Variants in RP1 observed in about 807,000 individuals in gnomAD.
RP1 encodes the protein RP1 axonemal microtubule associated.
RP1 carries 16 observed loss-of-function variants against 14.8 expected under a neutral mutation model. That is an observed-to-expected ratio of 1.08 (90% confidence interval 0.73 to 1.65). RP1 has a LOEUF of 1.65. Among genes scored for constraint, RP1 ranks in the 40% most tolerant of loss-of-function variants. The probability of loss-of-function intolerance (pLI) is 0.00; values close to 1 mark genes in which losing one functional copy is unlikely to be tolerated. For missense variants in RP1, 2,631 were observed against 2,535.0 expected, an observed-to-expected ratio of 1.04 and a Z score of -0.81; for synonymous variants, 876 against 883.6, an observed-to-expected ratio of 0.99 and a Z score of 0.15.
chr8:54,615,478 A>G (rs1805693310), upstream of RP1, among the ~76,000 whole-genome samples: 1 of 152,212 alleles, frequency 6.6e-6, no homozygotes, highest in Non-Finnish European at 1.5e-5. Flanking sequence ...TGGGGACTTT[A>G]TGTGTGACAA....
chr8:54,609,191 G>A (rs1329470318), intron 1 of RP1, among the ~76,000 whole-genome samples: 1 of 152,130 alleles, frequency 6.6e-6, no homozygotes, highest in Non-Finnish European at 1.5e-5. Context: ...TGCATTGGGT[G>A]CTGCTTGGTG....
exon 22 of RP1, chr8:54,758,990 C>T (rs779536192): frequency 2.6e-6 from 4 of 1,535,896 alleles, no homozygotes; most frequent in South Asian, 1.2e-5. Flanking sequence ...GCTGTGAGGC[C>T]AGTGACAAAT....
intron 20 of RP1, chr8:54,755,478 C>A: frequency 1.3e-6 from 1 of 797,122 alleles, no homozygotes; most frequent in Non-Finnish European, 1.9e-6. Flanking sequence ...TCAATAGACA[C>A]AGAAAATCCA....
chr8:54,846,481 T>C (rs1811923721), intron 25 of RP1, among the ~76,000 whole-genome samples: 1 of 152,228 alleles, frequency 6.6e-6, no homozygotes, highest in African/African-American at 2.4e-5. Flanking sequence ...GTTCCAAGAC[T>C]GTATGCATTT....
intron 26 of RP1, among the ~76,000 whole-genome samples, chr8:54,853,339 G>A (rs752151940): frequency 1.3e-5 from 2 of 152,174 alleles, no homozygotes; most frequent in Non-Finnish European, 2.9e-5. Context: ...AAGCAGCAGT[G>A]AAGGAAGGCA....
Position 54,629,667 on chromosome 8 carries a change from A to C in RP1, c.5785A>C (p.Asn1929His). The C allele has an allele frequency of 6.2e-7, 1 of 1,613,922 alleles. No homozygotes were observed. The highest frequency in any genetic ancestry group is 8.5e-7 in the Non-Finnish European group (1 of 1,179,978). ...ACTAACTGTTATTATCCAACCCATG[A>C]ATGAGGAAGACCGAGGATTTGCATA... is the stretch of plus-strand genomic sequence containing the variant. ...PILTVIIQPM[N>H]EEDRGFAYRK... Residue 1929 changes from asparagine (N) to histidine (H), a missense_variant, in exon 4 of 4, where the codon AAT becomes CAT. Coordinates refer to ENST00000220676, the MANE Select transcript of RP1 (RefSeq NM_006269.2).
At chr8:54,620,221 A>T (rs1342564109) in intron 1 of RP1, among the ~76,000 whole-genome samples, 10 of 152,228 alleles carry the variant, frequency 6.6e-5, no homozygotes, top group Admixed American at 6.5e-4. Context: ...GCCACATAAC[A>T]CTACTTTGGT....
intron 23 of RP1, chr8:54,781,056 A>T (rs1421982917): frequency 1.0e-6 from 1 of 984,330 alleles, no homozygotes; most frequent in Non-Finnish European, 1.2e-6. Flanking sequence ...ACACAAAAGG[A>T]AAGTAAGCCT....
At chr8:54,793,988 A>C (rs1810525587) in intron 24 of RP1, among the ~76,000 whole-genome samples, 1 of 151,992 alleles carries the variant, frequency 6.6e-6, no homozygotes, top group South Asian at 2.1e-4. Flanking sequence ...CAAAATCAAC[A>C]TTTAAAAAAT....
At chr8:54,770,427 T>A (rs1241066447), downstream of RP1, among the ~76,000 whole-genome samples, 1 of 151,608 alleles carries the variant, frequency 6.6e-6, no homozygotes, top group East Asian at 1.9e-4. Context: ...ATTTTCCAAA[T>A]GGTTAAATTA....
At chr8:54,575,897 G>A (rs1435230417) in intron 1 of RP1, among the ~76,000 whole-genome samples, 3 of 152,216 alleles carry the variant, frequency 2.0e-5, no homozygotes, top group Non-Finnish European at 4.4e-5. Flanking sequence ...AGGTGAGAGT[G>A]TTGTTCTTTC....
intron 25 of RP1, among the ~76,000 whole-genome samples, chr8:54,851,372 A>G (rs1812058197): frequency 6.6e-6 from 1 of 152,256 alleles, no homozygotes; most frequent in African/African-American, 2.4e-5. Flanking sequence ...TCCCTTTAAA[A>G]AAATCATAAG....
At chr8:54,752,984 TTATA>T (rs1382451352) in intron 19 of RP1, among the ~76,000 whole-genome samples, 1 of 152,234 alleles carries the variant, frequency 6.6e-6, no homozygotes, top group Admixed American at 6.5e-5. Flanking sequence ...TTTGTATAGT[TTATA>T]TAAAGTTTTA....
intron 24 of RP1, among the ~76,000 whole-genome samples, chr8:54,798,543 A>G (rs1198622970): frequency 6.6e-6 from 1 of 152,176 alleles, no homozygotes; most frequent in Non-Finnish European, 1.5e-5. Context: ...AAATTGTGTC[A>G]TGTTGGTTAG....
chr8:54,772,731 A>G (rs148387614), downstream of RP1, among the ~76,000 whole-genome samples: 1 of 152,168 alleles, frequency 6.6e-6, no homozygotes, highest in African/African-American at 2.4e-5. Flanking sequence ...AACTTCAGGG[A>G]TTGTACTGTT....
chr8:54,667,913 A>C (rs1317960465), intron 7 of RP1, among the ~76,000 whole-genome samples: 2 of 152,118 alleles, frequency 1.3e-5, no homozygotes, highest in African/African-American at 4.8e-5. Flanking sequence ...AGAGGTACAA[A>C]GAGGAGCTGG....
intron 1 of RP1, among the ~76,000 whole-genome samples, chr8:54,597,300 AG>A (rs1805171688): frequency 6.6e-6 from 1 of 152,200 alleles, no homozygotes; most frequent in African/African-American, 2.4e-5. Context: ...TACTTCCTAT[AG>A]TTGTTATGAG....
chr8:54,726,595 G>A (rs1808660523), intron 17 of RP1: 4 of 1,041,428 alleles, frequency 3.8e-6, no homozygotes, highest in Non-Finnish European at 5.2e-6. Context: ...ATACCACATG[G>A]ACTGCTTGTA....
At chr8:54,769,939 C>T (rs1374611939) in exon 23 of RP1, 2 of 598,786 alleles carry the variant, frequency 3.3e-6, no homozygotes, top group Non-Finnish European at 5.6e-6. Context: ...TATAGTATTC[C>T]TCACAGTGAA....
Sources: gnomAD v4.1 joint callset for allele counts (sites outside exome capture counted in the v4.1 genomes callset) on GRCh38, gnomAD v4.1.1 for gene constraint, MANE v1.5 for transcripts, NCBI Gene and HGNC (gene_info 2026-07-23, HGNC 2026-07-21) for gene names.